The following MMP16 variants were observed in gnomAD, a reference collection of about 807,000 sequenced individuals.
MMP16 encodes matrix metallopeptidase 16.
MMP16 carries 12 observed loss-of-function variants against 67.8 expected under a neutral mutation model. The ratio of observed to expected loss-of-function variants is 0.18; its 90% confidence interval spans 0.11 to 0.29. MMP16 has a LOEUF of 0.29. MMP16 is among the 10% of genes least tolerant of loss of function. The pLI, the probability that MMP16 is intolerant of heterozygous loss-of-function variation, is 1.00. For missense variants in MMP16, 475 were observed against 765.7 expected (o/e 0.62, Z 4.48); for synonymous variants, 249 against 255.9 (o/e 0.97, Z 0.26).
intron 9 of MMP16, among the ~76,000 whole-genome samples, chr8:88,043,777 A>G (rs1282887439): frequency 6.6e-6 from 1 of 152,228 alleles, no homozygotes; most frequent in Admixed American, 6.5e-5. Context: ...CAAGTTTTTC[A>G]GCCGAGAGTT....
intron 4 of MMP16, among the ~76,000 whole-genome samples, chr8:88,150,669 T>A (rs1290863042): frequency 9.6e-6 from 1 of 103,776 alleles, no homozygotes; most frequent in African/African-American, 3.9e-5. Context: ...TGCTGAGAGA[T>A]TTTGTCACCA....
intron 1 of MMP16, among the ~76,000 whole-genome samples, chr8:88,235,953 A>G (rs1328353589): frequency 2.6e-5 from 4 of 152,212 alleles, no homozygotes; most frequent in Non-Finnish European, 4.4e-5. Context: ...CATAAAGTTC[A>G]AGTCAAGGAT....
At chr8:88,267,163 A>T (rs1291095377) in intron 1 of MMP16, among the ~76,000 whole-genome samples, 1 of 152,238 alleles carries the variant, frequency 6.6e-6, no homozygotes, top group Non-Finnish European at 1.5e-5. Context: ...AGGAAAGCTA[A>T]TATTCATATA....
At chr8:88,153,987 C>G (rs1808459850) in intron 4 of MMP16, among the ~76,000 whole-genome samples, 1 of 150,004 alleles carries the variant, frequency 6.7e-6, no homozygotes, top group Non-Finnish European at 1.5e-5. Flanking sequence ...GGCTAATATC[C>G]AGAATCTATA....
At chr8:88,149,590 A>AGTGTCAG (rs1020134384) in intron 4 of MMP16, among the ~76,000 whole-genome samples, 7 of 152,018 alleles carry the variant, frequency 4.6e-5, no homozygotes, top group Non-Finnish European at 4.4e-5. Flanking sequence ...GGCACCCCCC[A>AGTGTCAG]GCAGGGGCAC....
At chr8:88,121,066 T>C (rs1357451407) in intron 4 of MMP16, among the ~76,000 whole-genome samples, 1 of 143,742 alleles carries the variant, frequency 7.0e-6, no homozygotes, top group Non-Finnish European at 1.5e-5. Context: ...AGTCTCTTGC[T>C]CTCAGTTTTT....
At chr8:88,201,780 A>G (rs10110977) in intron 1 of MMP16, among the ~76,000 whole-genome samples, 23,936 of 148,220 alleles carry the variant, frequency 0.16, 2,014 homozygotes, top group South Asian at 0.19. Context: ...AGTAAAATTA[A>G]CTAACAACTA....
intron 1 of MMP16, among the ~76,000 whole-genome samples, chr8:88,266,302 A>T (rs572667619): frequency 6.6e-6 from 1 of 152,066 alleles, no homozygotes; most frequent in South Asian, 2.1e-4. Flanking sequence ...GACTAAGACC[A>T]TCTCCTTATT....
intron 3 of MMP16, among the ~76,000 whole-genome samples, chr8:88,169,659 T>C (rs1808768167): frequency 6.6e-6 from 1 of 152,034 alleles, no homozygotes; most frequent in Non-Finnish European, 1.5e-5. Context: ...GCAAACCAAG[T>C]GGAAACAGAG....
rs1017701169 is a variant in MMP16 at position 88,040,973 on chromosome 8, G to A, written c.*488C>T. The A allele has an allele frequency of 3.6e-4, 55 of 152,190 alleles. No homozygotes were observed. Among genetic ancestry groups the A allele is most frequent in the African/African-American group, 1.3e-3 (55 of 41,226 alleles). The allele number at this position is 152,190 out of a possible 1,614,324, so 9.4% of individuals were successfully genotyped here. On this transcript the variant is annotated 3_prime_UTR_variant, in exon 10 of 10. Coordinates refer to ENST00000286614, the MANE Select transcript of MMP16 (RefSeq NM_005941.5). ...ACACTTTCCTGGAAGTTCAATTGTGGGTTTTTTGTTTAAACTCTTTTTTCC... is the reference window on the plus strand; with the variant it reads ...ACACTTTCCTGGAAGTTCAATTGTGAGTTTTTTGTTTAAACTCTTTTTTCC...
At chr8:88,319,848 GTCATTTGAATACATCACTCTAAGGACTA>G (rs1469175948) in intron 1 of MMP16, among the ~76,000 whole-genome samples, 12 of 152,082 alleles carry the variant, frequency 7.9e-5, no homozygotes, top group African/African-American at 2.7e-4. Flanking sequence ...GGTTTCTTTG[GTCATTTGAATACATCACTCTAAGGACTA>G]TCTCTCTTGA....
At chr8:88,212,127 C>T (rs933941824) in intron 1 of MMP16, among the ~76,000 whole-genome samples, 2 of 152,112 alleles carry the variant, frequency 1.3e-5, no homozygotes, top group Non-Finnish European at 2.9e-5. Context: ...TTTCTCTTGC[C>T]TCTGAGAGCA....
chr8:88,236,059 CT>C (rs879459073), intron 1 of MMP16, among the ~76,000 whole-genome samples: 1 of 152,144 alleles, frequency 6.6e-6, no homozygotes, highest in South Asian at 2.1e-4. Flanking sequence ...AAACCACCAA[CT>C]TTTTAAGTCT....
Position 88,151,522 on chromosome 8 carries a change from C to A in MMP16, c.709+16147G>T, listed in dbSNP as rs1409055560. Among the ~76,000 whole-genome samples, 520 of 146,044 alleles carry A rather than the reference C, an allele frequency of 3.6e-3. 4 individuals are homozygous for A. The highest frequency in any genetic ancestry group is 0.013 in the African/African-American group (495 of 39,300). On this transcript the variant is annotated intron_variant, in intron 4 of 9. Transcript: ENST00000286614. ...AATTATAACAAACTATCTCTCAGAC[C>A]ACAGTGCAATCAAACTAGAACTCAG...
At chr8:88,094,495 G>A (rs2118355998) in intron 6 of MMP16, among the ~76,000 whole-genome samples, 1 of 151,594 alleles carries the variant, frequency 6.6e-6, no homozygotes, top group South Asian at 2.1e-4. Context: ...TAAACATGAA[G>A]TACACAAAAG....
At chr8:88,116,184 A>G (rs1363832729) in intron 6 of MMP16, among the ~76,000 whole-genome samples, 1 of 152,062 alleles carries the variant, frequency 6.6e-6, no homozygotes, top group African/African-American at 2.4e-5. Context: ...TAAGCTCCCA[A>G]GCAAATCATC....
At chr8:88,145,966 C>G (rs1345459597) in intron 4 of MMP16, among the ~76,000 whole-genome samples, 1 of 152,006 alleles carries the variant, frequency 6.6e-6, no homozygotes, top group Non-Finnish European at 1.5e-5. Flanking sequence ...AATGAATTAT[C>G]TGTTCCAAAA....
chr8:88,197,397 A>G, intron 1 of MMP16, 91 bp from the exon 2 acceptor site: 1 of 1,115,358 alleles, frequency 9.0e-7, no homozygotes. Context: ...TAGAGTTTTG[A>G]ACATTTTCTC....
intron 1 of MMP16, among the ~76,000 whole-genome samples, chr8:88,218,311 G>T (rs934615503): frequency 2.6e-5 from 4 of 151,940 alleles, no homozygotes; most frequent in African/African-American, 7.2e-5. Flanking sequence ...TAAATTAGGA[G>T]CAATTTAAAT....
Sources: gnomAD v4.1 joint callset for allele counts (sites outside exome capture counted in the v4.1 genomes callset) on GRCh38, gnomAD v4.1.1 for gene constraint, MANE v1.5 for transcripts, NCBI Gene and HGNC (gene_info 2026-07-23, HGNC 2026-07-21) for gene names.